The following TXN variants were observed in gnomAD, a reference collection of about 807,000 sequenced individuals.
The protein encoded by TXN is thioredoxin, also known as ADF.
Under a neutral mutation model 16.5 loss-of-function variants are expected in TXN, and 10 were observed. The ratio of observed to expected loss-of-function variants is 0.61; its 90% CI spans 0.37 to 1.03. The LOEUF (loss-of-function observed/expected upper bound fraction) is 1.03, where lower values mean the gene tolerates loss of function less well. Among genes scored for constraint, TXN ranks in the 50% least tolerant of loss-of-function variants. The pLI is 0.01. For missense variants in TXN, 71 were observed against 122.5 expected (o/e 0.58, Z 1.98); for synonymous variants, 35 against 39.4 (o/e 0.89, Z 0.42).
chr9:110,245,650 ATATATTTTT>A (rs1172278842), intron 3 of TXN, among the ~76,000 whole-genome samples: 30 of 24,628 alleles, frequency 1.2e-3, no homozygotes, highest in Non-Finnish European at 1.8e-3. Flanking sequence ...ATATATATAT[ATATATTTTT>A]TTTTTTTTTT....
chr9:110,249,125 C>CAAAAAAAAAAAAAAA (rs71302631), intron 3 of TXN, among the ~76,000 whole-genome samples: 2 of 53,848 alleles, frequency 3.7e-5, no homozygotes, highest in African/African-American at 1.4e-4. Flanking sequence ...AACTCCATCT[C>CAAAAAAAAAAAAAAA]AAAAAAAAAA....
In TXN at chr9:110,251,431, C is replaced by G; in HGVS notation, c.56G>C (p.Gly19Ala). 1 of 1,612,016 alleles carries G rather than the reference C, an allele frequency of 6.2e-7. No homozygotes were observed. The highest frequency in any genetic ancestry group is 1.1e-5 in the South Asian group (1 of 90,994). ...TAFQEALDAA[G>A]DKLVVVDFSA... The stretch of plus-strand genomic sequence containing the variant: ...GAAGTCAACTACTACAAGTTTATCA[C>G]CTGCAGCGTCCAAGGCTTCCTGAAA... Residue 19 changes from glycine to alanine, a missense_variant, in exon 2 of 5, where the codon GGT becomes GCT. By Grantham distance (60) the Gly-to-Ala change is moderately conservative. Transcript: ENST00000374517.
In TXN at chr9:110,243,870, C is replaced by G. The variant is rs1380251753; in HGVS notation, c.*287G>C. 1.7e-5 allele frequency: 3 copies of G among 175,050 alleles called. No homozygotes were observed. Among genetic ancestry groups the G allele is most frequent in the African/African-American group, 7.1e-5 (3 of 42,206 alleles). The allele number at this position is 175,050 out of a possible 1,614,324, so 10.8% of individuals were successfully genotyped here. On this transcript the variant is annotated 3_prime_UTR_variant, in exon 5 of 5. Coordinates refer to ENST00000374517, the MANE Select transcript of TXN (RefSeq NM_003329.4). The stretch of plus-strand genomic sequence containing the variant: ...TGCCCCCAACAAGAGATTTTTGTAG[C>G]AATACATTAAGGTAGCAATAATAAT...
rs1395773918 is a variant in TXN at position 110,255,220 on chromosome 9, C to T, written c.24+1192G>A. 2.0e-5 allele frequency among the ~76,000 whole-genome samples: 3 copies of T among 152,336 alleles called. No individual in the cohort carries two copies. The East Asian group carries it at 5.8e-4, about 29-fold the overall frequency. On this transcript the variant is annotated intron_variant, in intron 1 of 4. Coordinates refer to ENST00000374517, the MANE Select transcript of TXN (RefSeq NM_003329.4). Reference sequence around the variant, plus strand: ...CGAGGACCCGCCCTCCTCTGCTTCCCGCAGGTAGGGAGGGGTAATCGCAGG... The same window carrying T: ...CGAGGACCCGCCCTCCTCTGCTTCCTGCAGGTAGGGAGGGGTAATCGCAGG...
At chr9:110,245,836 C>T (rs1173658017) in intron 3 of TXN, among the ~76,000 whole-genome samples, 3 of 150,558 alleles carry the variant, frequency 2.0e-5, no homozygotes, top group East Asian at 2.0e-4. Context: ...AGGCCAAGGC[C>T]GGTGGGTCAC....
chr9:110,244,574 G>C (rs1837623906), intron 4 of TXN, among the ~76,000 whole-genome samples: 2 of 152,032 alleles, frequency 1.3e-5, no homozygotes. Flanking sequence ...GATATAAATA[G>C]GACTAGTTCT....
rs72549247 is a variant in TXN, at chr9:110,244,275, C to T, written c.256-56G>A. 5.4e-4 allele frequency: 402 copies of T among 747,292 alleles called. 3 individuals carry two copies. The African/African-American group carries it at 8.6e-3, about 16-fold the overall frequency. The allele number at this position is 747,292 out of a possible 1,614,324, so 46.3% of individuals were successfully genotyped here. On this transcript the variant is annotated intron_variant, in intron 4 of 4. Coordinates refer to ENST00000374517, the MANE Select transcript of TXN (RefSeq NM_003329.4). ...CGTAGCACTGTAGCACTGTTTTATA[C>T]ATAAAATATGTATAAATATGTATTT... is the stretch of plus-strand genomic sequence containing the variant.
At chr9:110,244,981 G>T in intron 3 of TXN, 138 bp from the exon 4 acceptor site, 1 of 565,898 alleles carries the variant, frequency 1.8e-6, no homozygotes. Flanking sequence ...TTCAGCATAT[G>T]AAAATTAATA....
chr9:110,247,140 T>G (rs553168260), intron 3 of TXN, among the ~76,000 whole-genome samples: 1 of 152,040 alleles, frequency 6.6e-6, no homozygotes, highest in African/African-American at 2.4e-5. Context: ...CTGGCCAACA[T>G]GGCAAAATGC....
intron 3 of TXN, among the ~76,000 whole-genome samples, chr9:110,247,158 A>G (rs1047560411): frequency 2.6e-5 from 4 of 152,110 alleles, no homozygotes; most frequent in Admixed American, 6.5e-5. Context: ...TGCTGTCTCT[A>G]CTAAAAAGTT....
intron 3 of TXN, 79 bp downstream of exon 3, chr9:110,250,741 T>C (rs1470400828): frequency 3.6e-6 from 4 of 1,097,572 alleles, no homozygotes; most frequent in East Asian, 2.4e-5. Flanking sequence ...GACATATTTA[T>C]GGAAAAAAGC....
At chr9:110,247,969 G>T (rs926870026) in intron 3 of TXN, among the ~76,000 whole-genome samples, 3 of 152,096 alleles carry the variant, frequency 2.0e-5, no homozygotes, top group South Asian at 4.1e-4. Flanking sequence ...TCCTGACCCT[G>T]TGTTGGTCTA....
At chr9:110,248,383 C>T (rs4135204) in intron 3 of TXN, among the ~76,000 whole-genome samples, 7,695 of 152,194 alleles carry the variant, frequency 0.051, 620 homozygotes, top group African/African-American at 0.17. Flanking sequence ...TTTCACCATA[C>T]CTTTTCTATG....
At position 110,244,008 on chromosome 9, in the gene TXN, T is replaced by A. The variant is rs2776; in HGVS notation, c.*149A>T. 1,072 of 359,054 alleles carry A rather than the reference T, an allele frequency of 3.0e-3. 16 individuals are homozygous for A. The highest frequency in any genetic ancestry group is 0.021 in the African/African-American group (997 of 46,862). The allele number at this position is 359,054 out of a possible 1,614,324, so 22.2% of individuals were successfully genotyped here. On this transcript the variant is annotated 3_prime_UTR_variant, in exon 5 of 5. Transcript: ENST00000374517. The stretch of plus-strand genomic sequence containing the variant: ...ATTTATTTTGAAAGCTATTCAGACA[T>A]GAGACGGTTTTAAAAAGTGTTAGCA...
chr9:110,256,455 C>A lies in TXN; in HGVS notation c.-20G>T, dbSNP rs756294781. 2 of 1,604,280 alleles carry A rather than the reference C, an allele frequency of 1.2e-6. No individual in the cohort carries two copies. Among genetic ancestry groups the A allele is most frequent in the Non-Finnish European group, 1.7e-6 (2 of 1,175,584 alleles). ...CACCATCTTGGCTGCTGGAGTCTGA[C>A]GAGCGGCTGTAAGGACCGATGGAAA... is the stretch of plus-strand genomic sequence containing the variant. On this transcript the variant is annotated 5_prime_UTR_variant, in exon 1 of 5. Coordinates refer to ENST00000374517, the MANE Select transcript of TXN (RefSeq NM_003329.4). This position sits in a 1 kb window ranked among gnomAD's most constrained non-coding sequence, Gnocchi z 4.2.
Position 110,250,802 on chromosome 9 carries a change from A to T in TXN, c.189+18T>A, listed in dbSNP as rs199809231. 6 of 1,595,102 alleles carry T rather than the reference A, an allele frequency of 3.8e-6. No homozygotes were observed. Among genetic ancestry groups the T allele is most frequent in the Non-Finnish European group, 5.1e-6 (6 of 1,166,754 alleles). On this transcript the variant is annotated intron_variant, in intron 3 of 4. Transcript: ENST00000374517. ...AATGTGAAAAGCTCAGCAGTATCTCATATTTCCAGCTACATACCTGACAGT... is the reference window on the plus strand; with the variant it reads ...AATGTGAAAAGCTCAGCAGTATCTCTTATTTCCAGCTACATACCTGACAGT...
At position 110,256,396 on chromosome 9, in the gene TXN, C is replaced by T; in HGVS notation, c.24+16G>A. The T allele has an allele frequency of 6.2e-7, 1 of 1,604,584 alleles. No individual in the cohort carries two copies. Among genetic ancestry groups the T allele is most frequent in the Non-Finnish European group, 8.5e-7 (1 of 1,175,672 alleles). Reference sequence around the variant, plus strand: ...CGCGCGGCGCCGGCACCCTGGCCTTCCCCGGTAGCGCGTACCTTGCTCTCG... The same window carrying T: ...CGCGCGGCGCCGGCACCCTGGCCTTTCCCGGTAGCGCGTACCTTGCTCTCG... On this transcript the variant is annotated intron_variant, in intron 1 of 4. Coordinates refer to ENST00000374517, the MANE Select transcript of TXN (RefSeq NM_003329.4). The surrounding 1 kb of genome is among the most constrained non-coding windows in gnomAD (Gnocchi z 4.2).
chr9:110,256,156 C>A lies in TXN; in HGVS notation c.24+256G>T, dbSNP rs1226133247. On this transcript the variant is annotated intron_variant, in intron 1 of 4. Transcript: ENST00000374517. The surrounding 1 kb of genome is among the most constrained non-coding windows in gnomAD (Gnocchi z 4.2). ...GGAACAGGGTGCGAGAAACGCTGGG[C>A]ACCGCCACTCCGCCCTCCAGGGGAC... Among the ~76,000 whole-genome samples, 3 of 152,172 alleles carry A rather than the reference C, an allele frequency of 2.0e-5. No individual in the cohort carries two copies. The highest frequency in any genetic ancestry group is 7.2e-5 in the African/African-American group (3 of 41,454).
intron 3 of TXN, among the ~76,000 whole-genome samples, chr9:110,248,473 C>A (rs1223603775): frequency 6.6e-6 from 1 of 152,140 alleles, no homozygotes; most frequent in East Asian, 1.9e-4. Context: ...CTGTTTGTGG[C>A]CTAGGAGCAA....
Sources: gnomAD v4.1 joint callset for allele counts (sites outside exome capture counted in the v4.1 genomes callset) on GRCh38, gnomAD v4.1.1 for gene constraint, Gnocchi (gnomAD v3.1) non-coding constraint, MANE v1.5 for transcripts, NCBI Gene and HGNC (gene_info 2026-07-23, HGNC 2026-07-21) for gene names.